Variants in ALLC observed in about 807,000 individuals in gnomAD.
ALLC encodes the protein probable inactive allantoicase.
A neutral mutation model predicts 45.0 loss-of-function variants in ALLC; 40 were observed. That is an observed-to-expected ratio of 0.89 (90% CI 0.69 to 1.16). The LOEUF is 1.16. Ranked by LOEUF, ALLC falls within the 50% of genes most tolerant of loss-of-function variation. The pLI, the probability that ALLC is intolerant of heterozygous loss-of-function variation, is 0.00. For synonymous variants in ALLC, 176 were observed against 178.1 expected, an observed-to-expected ratio of 0.99 and a Z score of 0.09; for missense variants, 488 against 493.1, an observed-to-expected ratio of 0.99 and a Z score of 0.10.
chr2:3,666,433 T>A (rs1346262164), intron 1 of ALLC, among the ~76,000 whole-genome samples: 1 of 151,878 alleles, frequency 6.6e-6, no homozygotes, highest in East Asian at 1.9e-4. Flanking sequence ...GATGAAGGGG[T>A]GTGTGCAGGG....
At position 3,702,408 on chromosome 2, in the gene ALLC, C is replaced by T. The variant is rs367803774; in HGVS notation, c.1021C>T (p.Leu341Phe). ...TCTGTTCGATAGCCTGACCCTAGAG[C>T]TCCAAGATGTCATCACTCACGCCAG... ...SHLFDSLTLE[L>F]QDVITHARLT... The change falls in exon 12 of 12, where the codon CTC (leucine) becomes TTC (phenylalanine). Residue 341 changes from leucine to phenylalanine, a missense_variant. Transcript: ENST00000252505. 4 of 1,613,184 alleles carry T rather than the reference C, an allele frequency of 2.5e-6. No individual in the cohort carries two copies. The highest frequency in any genetic ancestry group is 3.4e-6 in the Non-Finnish European group (4 of 1,179,828).
At chr2:3,669,164 T>G (rs962790738) in intron 1 of ALLC, among the ~76,000 whole-genome samples, 1 of 151,000 alleles carries the variant, frequency 6.6e-6, no homozygotes. Context: ...TGGTGAAACC[T>G]CATCTCTACT....
chr2:3,683,602 G>C (rs1280374022), intron 7 of ALLC, among the ~76,000 whole-genome samples: 1 of 152,158 alleles, frequency 6.6e-6, no homozygotes, highest in Non-Finnish European at 1.5e-5. Flanking sequence ...TGTCTTGATA[G>C]TTTTGACTAT....
At chr2:3,646,235 C>T in the ALLC span, among the ~76,000 whole-genome samples, 474 of 152,290 alleles carry the variant, frequency 3.1e-3, 2 homozygotes, top group Non-Finnish European at 5.7e-3. Flanking sequence ...ACTGCATGTG[C>T]GGGTGCTGTC....
intron 5 of ALLC, among the ~76,000 whole-genome samples, chr2:3,681,159 T>A (rs13383368): frequency 6.6e-6 from 1 of 152,072 alleles, no homozygotes; most frequent in African/African-American, 2.4e-5. Flanking sequence ...CAGGAAATGA[T>A]GCTACAAGAG....
At chr2:3,675,085 A>G (rs1382228707) in intron 3 of ALLC, among the ~76,000 whole-genome samples, 1 of 152,188 alleles carries the variant, frequency 6.6e-6, no homozygotes, top group Admixed American at 6.5e-5. Flanking sequence ...GATATGGACT[A>G]TTATGTGGCT....
chr2:3,649,803 G>C, the ALLC span, among the ~76,000 whole-genome samples: 1 of 152,260 alleles, frequency 6.6e-6, no homozygotes, highest in Non-Finnish European at 1.5e-5. Flanking sequence ...GGACGCGGGA[G>C]GAAACCAGAG....
At chr2:3,671,627 A>G (rs1159314856) in intron 2 of ALLC, among the ~76,000 whole-genome samples, 1 of 150,554 alleles carries the variant, frequency 6.6e-6, no homozygotes, top group African/African-American at 2.5e-5. Context: ...CTCTGGTTAG[A>G]TGGGAGGTCC....
intron 1 of ALLC, among the ~76,000 whole-genome samples, chr2:3,668,793 C>G (rs1666793028): frequency 6.6e-6 from 1 of 151,190 alleles, no homozygotes; most frequent in South Asian, 2.1e-4. Context: ...CCAGGGTGGT[C>G]TCGAACTCCT....
chr2:3,658,516 G>A (rs979148051), intron 1 of ALLC, among the ~76,000 whole-genome samples: 1 of 152,154 alleles, frequency 6.6e-6, no homozygotes, highest in Non-Finnish European at 1.5e-5. Context: ...TCAGGCTTCT[G>A]GGCTCTGGTC....
Position 3,680,109 on chromosome 2 carries a change from T to G in ALLC, c.298+115T>G. 7.1e-7 allele frequency: 1 copy of G among 1,417,324 alleles called. No individual in the cohort carries two copies. Among genetic ancestry groups the G allele is most frequent in the Non-Finnish European group, 9.7e-7 (1 of 1,027,256 alleles). 87.8% of individuals were successfully genotyped at this position (1,417,324 alleles called of 1,614,324 possible). A position where few individuals can be genotyped will look rare whatever the true frequency, so the allele number is the denominator to read the frequency against. On this transcript the variant is annotated intron_variant, in intron 5 of 11. Transcript: ENST00000252505. The surrounding 1 kb of genome is among the most constrained non-coding windows in gnomAD (Gnocchi z 4.0). ...TACCACCCAGACAGCTTCAGGCGCT[T>G]GACTAAGGCTACTTTACTGTAACGG...
intron 9 of ALLC, among the ~76,000 whole-genome samples, chr2:3,696,603 GAAAC>G (rs1667680161): frequency 6.6e-6 from 1 of 152,090 alleles, no homozygotes; most frequent in Non-Finnish European, 1.5e-5. Flanking sequence ...CTTCAATAAA[GAAAC>G]AAAAGGAGCT....
At chr2:3,654,867 C>A (rs986245567), upstream of ALLC, among the ~76,000 whole-genome samples, 4 of 152,198 alleles carry the variant, frequency 2.6e-5, no homozygotes, top group Non-Finnish European at 5.9e-5. Context: ...TGTTTTCAGG[C>A]GAAGGTTGCC....
chr2:3,675,272 C>A (rs1666992827), intron 3 of ALLC, among the ~76,000 whole-genome samples: 1 of 151,890 alleles, frequency 6.6e-6, no homozygotes, highest in Non-Finnish European at 1.5e-5. Flanking sequence ...TACCTGTAGT[C>A]CCCGCTACTC....
intron 4 of ALLC, 80 bp downstream of exon 4, chr2:3,678,635 G>A: frequency 2.5e-6 from 3 of 1,182,358 alleles, no homozygotes; most frequent in Middle Eastern, 2.1e-4. Context: ...GCCAGTGTCC[G>A]TTTTGGGTCA....
intron 1 of ALLC, among the ~76,000 whole-genome samples, chr2:3,662,155 G>A (rs1326840632): frequency 1.3e-5 from 2 of 152,210 alleles, no homozygotes; most frequent in Non-Finnish European, 1.5e-5. Flanking sequence ...AGTTCTGTTT[G>A]CAGCCAGAGA....
chr2:3,698,505 T>G (rs916704770), intron 10 of ALLC, among the ~76,000 whole-genome samples: 139 of 152,356 alleles, frequency 9.1e-4, no homozygotes, highest in African/African-American at 2.9e-3. Flanking sequence ...TTTAAGGCAG[T>G]GGTTTACACA....
At chr2:3,701,478 G>T in intron 10 of ALLC, 34 bp from the exon 11 acceptor site, 1 of 1,548,804 alleles carries the variant, frequency 6.5e-7, no homozygotes, top group Non-Finnish European at 8.8e-7. Context: ...GTGCAAATGC[G>T]GGCAGAAAAT....
chr2:3,683,143 A>G (rs544464131), intron 7 of ALLC, 69 bp downstream of exon 7: 2 of 1,488,574 alleles, frequency 1.3e-6, no homozygotes, highest in South Asian at 1.3e-5. Context: ...TTTATAAAAT[A>G]TAAAATGACT....
Sources: allele counts gnomAD v4.1 joint callset (sites outside exome capture counted in the v4.1 genomes callset), GRCh38; gene constraint gnomAD v4.1.1; non-coding constraint Gnocchi (gnomAD v3.1); transcripts MANE v1.5; gene names NCBI Gene and HGNC (gene_info 2026-07-23, HGNC 2026-07-21).